BDP1: variants seen among roughly 807,000 people sequenced by gnomAD.
The protein encoded by BDP1 is transcription factor TFIIIB component B'' homolog.
Under a neutral mutation model 266.6 loss-of-function variants are expected in BDP1, and 169 were observed. That is an observed-to-expected ratio of 0.63 (90% CI 0.56 to 0.72). BDP1 has a LOEUF of 0.72. BDP1 is among the 30% of genes least tolerant of loss of function. The pLI is 0.00. For synonymous variants in BDP1, 1,090 were observed against 1,022.4 expected, an observed-to-expected ratio of 1.07 and a Z score of -1.26; for missense variants, 3,015 against 3,053.8, an observed-to-expected ratio of 0.99 and a Z score of 0.30.
chr5:71,458,699 T>C lies in BDP1; in HGVS notation c.333T>C (p.Val111=). 6.2e-7 allele frequency: 1 copy of C among 1,614,186 alleles called. No homozygotes were observed. The highest frequency in any genetic ancestry group is 8.5e-7 in the Non-Finnish European group (1 of 1,180,022). ...TSSLVKSSVS[V]PSESHPLSTI... ...GCCTGGTTAAGTCTAGTGTCAGTGT[T>C]CCTTCAGAATCTCATCCCTTATCTA... Residue 111 remains valine (V), a synonymous_variant, in exon 2 of 39, where the codon GTT becomes GTC. Transcript: ENST00000358731.
rs752624837 is a variant in BDP1, at chr5:71,458,796, C to T, written c.430C>T (p.Arg144Ter). 3 of 1,613,684 alleles carry T rather than the reference C, an allele frequency of 1.9e-6. No homozygotes were observed. The highest frequency in any genetic ancestry group is 2.2e-5 in the East Asian group (1 of 44,858). ...GAAACAGCCATGCTCAGACAGATAC[C>T]GAATATACAAAGCCCAGAAACTGAG... Reference protein sequence around the residue: ...KEKQPCSDRYRIYKAQKLREM... With the variant: ...KEKQPCSDRY Residue 144 changes from arginine (R) to a stop codon, truncating the protein, a stop_gained, in exon 2 of 39, where the codon CGA (arginine) becomes TGA (stop). Coordinates refer to ENST00000358731, the MANE Select transcript of BDP1 (RefSeq NM_018429.3). LOFTEE classifies it high-confidence loss of function.
In BDP1 at chr5:71,461,908, C is replaced by T; in HGVS notation, c.581C>T (p.Pro194Leu). ...ATGAGAGACTTCATATATTATCTAC[C>T]AGATAATAATCCAATGACGTAAGTA... ...MTMRDFIYYL[P>L]DNNPMTSSLE... The change falls in exon 3 of 39, where the codon CCA (proline) becomes CTA (leucine). Residue 194 changes from proline (P) to leucine (L), a missense_variant. Physicochemically the swap from Pro to Leu is moderately conservative, Grantham distance 98. This residue lies in a region of BDP1 where 2,383 missense variants were observed against 2,404.9 expected (regional missense o/e 0.99). Coordinates refer to ENST00000358731, the MANE Select transcript of BDP1 (RefSeq NM_018429.3). 5 of 1,514,158 alleles carry T rather than the reference C, an allele frequency of 3.3e-6. No homozygotes were observed. Among genetic ancestry groups the T allele is most frequent in the Non-Finnish European group, 3.7e-6 (4 of 1,095,862 alleles). The allele number at this position is 1,514,158 out of a possible 1,614,324, so 93.8% of individuals were successfully genotyped here.
At chr5:71,543,078 A>G (rs1333434992) in intron 30 of BDP1, among the ~76,000 whole-genome samples, 1 of 152,016 alleles carries the variant, frequency 6.6e-6, no homozygotes, top group East Asian at 1.9e-4. Flanking sequence ...ATTTGATGAA[A>G]CCAGACTGGG....
chr5:71,526,645 C>G (rs1247545427), intron 25 of BDP1, among the ~76,000 whole-genome samples: 5 of 137,104 alleles, frequency 3.6e-5, no homozygotes, highest in Non-Finnish European at 6.3e-5. Context: ...AAGAAGAGTG[C>G]TAAAATACAT....
chr5:71,529,235 C>G (rs55880961), intron 25 of BDP1, among the ~76,000 whole-genome samples: 1 of 151,882 alleles, frequency 6.6e-6, no homozygotes, highest in East Asian at 1.9e-4. Flanking sequence ...ACTAAAAATA[C>G]AAAAATTTGC....
chr5:71,557,378 T>TTTTG, intron 36 of BDP1, among the ~76,000 whole-genome samples: 1 of 56,420 alleles, frequency 1.8e-5, no homozygotes. Flanking sequence ...CAAGCTAATT[T>TTTTG]TTTTTTTTTT....
chr5:71,483,517 A>C (rs1029934017), intron 7 of BDP1, among the ~76,000 whole-genome samples: 1 of 152,188 alleles, frequency 6.6e-6, no homozygotes, highest in African/African-American at 2.4e-5. Context: ...CGAATACTTA[A>C]TTTTTTAAAA....
At chr5:71,571,149 T>C (rs1744250688), downstream of BDP1, among the ~76,000 whole-genome samples, 1 of 152,164 alleles carries the variant, frequency 6.6e-6, no homozygotes, top group African/African-American at 2.4e-5. Context: ...TCCCATTTTA[T>C]TTTATTACTT....
chr5:71,496,700 A>T (rs1763917250), intron 12 of BDP1, among the ~76,000 whole-genome samples: 2 of 152,172 alleles, frequency 1.3e-5, no homozygotes, highest in African/African-American at 4.8e-5. Context: ...CACCTGCCTC[A>T]GCCTCCCAAG....
rs760590973 is a variant in BDP1, at chr5:71,455,887, A to T, written c.10A>T (p.Arg4Trp). The change falls in exon 1 of 39, where the codon AGG becomes TGG. Residue 4 changes from arginine to tryptophan, a missense_variant. Physicochemically the swap from Arg to Trp is moderately radical, Grantham distance 101 (BLOSUM62 -3). Coordinates refer to ENST00000358731, the MANE Select transcript of BDP1 (RefSeq NM_018429.3). MFR[R>W]ARLSVKPNVR... ...GCCCCCTGCCTCCGCCATGTTCCGC[A>T]GGGCACGCCTTAGCGTGAAGCCGAA... 3 of 1,589,238 alleles carry T rather than the reference A, an allele frequency of 1.9e-6. No homozygotes were observed. Among genetic ancestry groups the T allele is most frequent in the Non-Finnish European group, 2.6e-6 (3 of 1,168,216 alleles).
At position 71,510,625 on chromosome 5, in the gene BDP1, G is replaced by T; in HGVS notation, c.3533G>T (p.Arg1178Ile). The change falls in exon 17 of 39, where the codon AGA (arginine) becomes ATA (isoleucine). Residue 1178 changes from arginine to isoleucine, a missense_variant. Arg to Ile is a moderately conservative substitution (Grantham distance 97, BLOSUM62 -3). Coordinates refer to ENST00000358731, the MANE Select transcript of BDP1 (RefSeq NM_018429.3). Reference protein sequence around the residue: ...EMETDLKTTGREGSSREKTRE... With the variant: ...EMETDLKTTGIEGSSREKTRE... ...GAGACAGACTTGAAAACAACTGGAA[G>T]AGAGGGTTCCTCAAGGGAGAAGACA... The T allele has an allele frequency of 6.3e-7, 1 of 1,586,676 alleles. No individual in the cohort carries two copies. Among genetic ancestry groups the T allele is most frequent in the Non-Finnish European group, 8.6e-7 (1 of 1,162,946 alleles).
At chr5:71,505,635 T>C (rs2150455274) in intron 16 of BDP1, among the ~76,000 whole-genome samples, 2 of 152,332 alleles carry the variant, frequency 1.3e-5, no homozygotes, top group East Asian at 3.9e-4. Flanking sequence ...GTTTCAGTAA[T>C]TAATATTTAC....
intron 25 of BDP1, among the ~76,000 whole-genome samples, chr5:71,525,716 C>T (rs71624257): frequency 1.5e-3 from 206 of 141,090 alleles, no homozygotes; most frequent in African/African-American, 4.9e-3. Context: ...CCGGACGGGG[C>T]GGCTGGCCAG....
rs761126707 is a variant in BDP1, at chr5:71,509,848, T to C, written c.2756T>C (p.Ile919Thr). The C allele has an allele frequency of 3.1e-6, 5 of 1,613,862 alleles. No individual in the cohort carries two copies. In the East Asian group the frequency reaches 8.9e-5, roughly 29 times the overall value. Residue 919 changes from isoleucine to threonine, a missense_variant, in exon 17 of 39, where the codon ATT (isoleucine) becomes ACT (threonine). By Grantham distance (89) the Ile-to-Thr change is moderately conservative (BLOSUM62 -1). Transcript: ENST00000358731. ...CTAAGGGAGAAGACGCCAGAGGTGA[T>C]TGATGCCACTGAGGAAATAGACAAA... ...ICLREKTPEV[I>T]DATEEIDKDL...
downstream of BDP1, among the ~76,000 whole-genome samples, chr5:71,571,561 G>A (rs547432019): frequency 6.6e-6 from 1 of 152,296 alleles, no homozygotes; most frequent in Admixed American, 6.5e-5. Context: ...GTATAGTAGT[G>A]AGCATCAGAA....
downstream of BDP1, among the ~76,000 whole-genome samples, chr5:71,569,103 C>G (rs549670111): frequency 6.6e-6 from 1 of 152,188 alleles, no homozygotes; most frequent in Non-Finnish European, 1.5e-5. Flanking sequence ...TATTGTCATT[C>G]CCCAAGACCA....
In BDP1 at chr5:71,474,962, T is replaced by C. The variant is rs1256418843; in HGVS notation, c.1014+4473T>C. On this transcript the variant is annotated intron_variant, in intron 7 of 38. Coordinates refer to ENST00000358731, the MANE Select transcript of BDP1 (RefSeq NM_018429.3). ...AATTTTAAGAATTATTAATTATTAC[T>C]GATTAAGGTTATTAAATGCATAACA... is the stretch of plus-strand genomic sequence containing the variant. Among the ~76,000 whole-genome samples, 4 of 152,104 alleles carry C rather than the reference T, an allele frequency of 2.6e-5. No homozygotes were observed. The East Asian group carries it at 7.7e-4, about 29-fold the overall frequency.
chr5:71,516,209 A>G lies in BDP1; in HGVS notation c.4798A>G (p.Ile1600Val). The G allele has an allele frequency of 6.2e-7, 1 of 1,613,638 alleles. No homozygotes were observed. The highest frequency in any genetic ancestry group is 8.5e-7 in the Non-Finnish European group (1 of 1,179,728). Residue 1600 changes from isoleucine (I) to valine (V), a missense_variant, in exon 21 of 39, where the codon ATA becomes GTA. Physicochemically the swap from Ile to Val is conservative, Grantham distance 29. This residue lies in a region of BDP1 where 2,383 missense variants were observed against 2,404.9 expected (regional missense o/e 0.99). Transcript: ENST00000358731. ...AGTAGACAAAGGTGAAGCCAAAGGCATAATTAAGGAAGGAAGAACGATATT... is the reference window on the plus strand; with the variant it reads ...AGTAGACAAAGGTGAAGCCAAAGGCGTAATTAAGGAAGGAAGAACGATATT... ...QIVDKGEAKG[I>V]IKEGRTILPK...
intron 32 of BDP1, among the ~76,000 whole-genome samples, chr5:71,548,467 C>T (rs1021912166): frequency 2.0e-5 from 3 of 152,084 alleles, no homozygotes; most frequent in Non-Finnish European, 4.4e-5. Flanking sequence ...TCATAAAATG[C>T]ACATATTTAA....
Sources: allele counts gnomAD v4.1 joint callset (sites outside exome capture counted in the v4.1 genomes callset), GRCh38; gene constraint gnomAD v4.1.1; regional missense constraint gnomAD v4.1.1; transcripts MANE v1.5; gene names NCBI Gene and HGNC (gene_info 2026-07-23, HGNC 2026-07-21).